NOS2: variants seen among roughly 807,000 people sequenced by gnomAD.
NOS2 encodes nitric oxide synthase, inducible.
NOS2 carries 96 observed loss-of-function variants against 136.0 expected under a neutral mutation model. The observed-to-expected ratio is 0.71, with a 90% confidence interval of 0.60 to 0.84. The LOEUF (loss-of-function observed/expected upper bound fraction) is 0.84. Ranked by LOEUF, NOS2 falls within the 40% of genes least tolerant of loss-of-function variation. The pLI is 0.00. For synonymous variants in NOS2, 539 were observed against 587.5 expected (o/e 0.92, Z 1.20); for missense variants, 1,237 against 1,496.9 (o/e 0.83, Z 2.87).
intron 11 of NOS2, among the ~76,000 whole-genome samples, chr17:27,775,174 T>C (rs551132991): frequency 6.6e-6 from 1 of 152,348 alleles, no homozygotes; most frequent in African/African-American, 2.4e-5. Context: ...TGAATTCCTA[T>C]AATGGCCAGG....
At chr17:27,767,589 G>C in intron 18 of NOS2, 116 bp downstream of exon 18, 1 of 1,239,438 alleles carries the variant, frequency 8.1e-7, no homozygotes, top group East Asian at 2.6e-5. Context: ...GCAGTGAGAG[G>C]GAGGCCCCGA....
intron 4 of NOS2, among the ~76,000 whole-genome samples, chr17:27,788,486 G>A (rs916025886): frequency 6.6e-6 from 1 of 152,198 alleles, no homozygotes; most frequent in Non-Finnish European, 1.5e-5. Flanking sequence ...ACCTCCTGAT[G>A]TAATACAGTC....
At chr17:27,795,296 C>T (rs1361635150) in intron 2 of NOS2, among the ~76,000 whole-genome samples, 1 of 152,028 alleles carries the variant, frequency 6.6e-6, no homozygotes, top group Non-Finnish European at 1.5e-5. Flanking sequence ...TTGGACTTGA[C>T]TCAAACCTTA....
At chr17:27,758,801 T>C (rs1908012654) in intron 26 of NOS2, 80 bp downstream of exon 26, 1 of 1,122,208 alleles carries the variant, frequency 8.9e-7, no homozygotes, top group Non-Finnish European at 1.2e-6. Context: ...TTCCCCTGGG[T>C]CTACCTGCCA....
At chr17:27,786,294 C>T (rs1909023303) in intron 5 of NOS2, among the ~76,000 whole-genome samples, 1 of 151,948 alleles carries the variant, frequency 6.6e-6, no homozygotes, top group Admixed American at 6.6e-5. Flanking sequence ...GGTGTAGTGG[C>T]ACACACCTAT....
At chr17:27,780,267 G>C (rs9904158) in intron 9 of NOS2, among the ~76,000 whole-genome samples, 2,058 of 152,336 alleles carry the variant, frequency 0.014, 41 homozygotes, top group African/African-American at 0.045. Flanking sequence ...CAACGGCCAG[G>C]AAGAAGAGCC....
chr17:27,757,005 A>G lies in NOS2; in HGVS notation c.*241T>C. The G allele has an allele frequency of 2.3e-6, 1 of 435,802 alleles. No homozygotes were observed. The highest frequency in any genetic ancestry group is 4.0e-6 in the Non-Finnish European group (1 of 249,358). The allele number at this position is 435,802 out of a possible 1,614,324, so 27.0% of individuals were successfully genotyped here. On this transcript the variant is annotated 3_prime_UTR_variant, in exon 27 of 27. Transcript: ENST00000313735. ...CCACTTGCCAGGCCTGGCATTTAAG[A>G]TTTTGTCTCCAAGGGACCAGGGAGG...
intron 9 of NOS2, among the ~76,000 whole-genome samples, chr17:27,780,286 T>C (rs1295422373): frequency 1.3e-5 from 2 of 152,196 alleles, no homozygotes; most frequent in African/African-American, 4.8e-5. Flanking sequence ...CCCAGCCCAA[T>C]GTCTGCTACA....
rs113873629 is a variant in NOS2, at chr17:27,782,195, C to T, written c.631-89G>A. On this transcript the variant is annotated intron_variant, in intron 6 of 26. Coordinates refer to ENST00000313735, the MANE Select transcript of NOS2 (RefSeq NM_000625.4). ...CAGAAGTCACTGGGAATCAATAGTG[C>T]AGCCGAAACACTCAACACACAAACA... 5.0e-5 allele frequency: 55 copies of T among 1,103,640 alleles called. No individual in the cohort carries two copies. The Middle Eastern group carries it at 1.2e-3, about 24-fold the overall frequency. The allele number at this position is 1,103,640 out of a possible 1,614,324, so 68.4% of individuals were successfully genotyped here. A position where few individuals can be genotyped will look rare whatever the true frequency, so the allele number is the denominator to read the frequency against.
chr17:27,769,028 C>G lies in NOS2; in HGVS notation c.1983G>C (p.Glu661Asp). ...GGAAGGCGTCCTCCTGCCCACTGAG[C>G]TCATCCCCTTCTCCCATCGGGGTGA... Reference protein sequence around the residue: ...SQLTPMGEGDELSGQEDAFRS... With the variant: ...SQLTPMGEGDDLSGQEDAFRS... Residue 661 changes from glutamate to aspartate, a missense_variant, in exon 17 of 27, where the codon GAG becomes GAC. By Grantham distance (45) the Glu-to-Asp change is conservative. Transcript: ENST00000313735. 3 of 1,612,622 alleles carry G rather than the reference C, an allele frequency of 1.9e-6. No individual in the cohort carries two copies. The highest frequency in any genetic ancestry group is 2.5e-6 in the Non-Finnish European group (3 of 1,179,612).
At chr17:27,757,426 T>G in intron 26 of NOS2, 73 bp from the exon 27 acceptor site, 2 of 1,230,538 alleles carry the variant, frequency 1.6e-6, no homozygotes, top group South Asian at 2.6e-5. Flanking sequence ...CCAGCTTCCC[T>G]ATCACATGGA....
At position 27,783,033 on chromosome 17, in the gene NOS2, G is replaced by A. The variant is rs757959650; in HGVS notation, c.541C>T (p.Leu181=). 1.9e-6 allele frequency: 3 copies of A among 1,614,242 alleles called. No individual in the cohort carries two copies. The highest frequency in any genetic ancestry group is 2.2e-5 in the South Asian group (2 of 91,078). The change falls in exon 6 of 27, where the codon CTG becomes TTG. Residue 181 remains leucine, a synonymous_variant. Transcript: ENST00000313735. ...GCGAAGATGAGCTCATCTCCCGTCA[G>A]TTGGTAGGTTCCTGTTGTTTCTATC... ...KEIETTGTYQ[L]TGDELIFATK... is the part of the protein sequence containing the mutation.
chr17:27,795,171 C>T (rs967542186), intron 2 of NOS2, among the ~76,000 whole-genome samples: 1 of 152,236 alleles, frequency 6.6e-6, no homozygotes, highest in Non-Finnish European at 1.5e-5. Context: ...GGAAGACATC[C>T]GTTTCCCCGT....
Position 27,760,153 on chromosome 17 carries a change from C to G in NOS2, c.3036G>C (p.Leu1012Phe), listed in dbSNP as rs1330858052. Residue 1012 changes from leucine (L) to phenylalanine (F), a missense_variant, in exon 25 of 27, where the codon TTG becomes TTC. Physicochemically the swap from Leu to Phe is conservative, Grantham distance 22 (BLOSUM62 0). This residue lies in a region of NOS2 where 782 missense variants were observed against 909.9 expected (regional missense o/e 0.86). Transcript: ENST00000313735. ...CATCTGGGCGGCGGCACCCAAACAC[C>G]AAGGTCATGCGGCCTCCCCGCACTC... ...HKGVRGGRMT[L>F]VFGCRRPDED... The G allele has an allele frequency of 6.3e-7, 1 of 1,593,624 alleles. No homozygotes were observed. The highest frequency in any genetic ancestry group is 1.3e-5 in the African/African-American group (1 of 74,088).
chr17:27,769,687 A>C, intron 15 of NOS2, 103 bp from the exon 16 acceptor site: 52 of 968,658 alleles, frequency 5.4e-5, no homozygotes, highest in Non-Finnish European at 7.8e-5. Flanking sequence ...GAGAAGGCTC[A>C]CAGCCCACCA....
chr17:27,798,771 G>T lies in NOS2; in HGVS notation c.39C>A (p.Phe13Leu). The T allele has an allele frequency of 1.2e-6, 2 of 1,614,020 alleles. No individual in the cohort carries two copies. The highest frequency in any genetic ancestry group is 1.7e-6 in the Non-Finnish European group (2 of 1,179,878). Residue 13 changes from phenylalanine to leucine, a missense_variant, in exon 2 of 27, where the codon TTC becomes TTA. Around this residue, in one of 3 missense-constraint regions of NOS2, gnomAD observed 440 missense variants for 545.4 expected, o/e 0.81. Transcript: ENST00000313735. ...TTTCCCCATTCATTGCATACTGGTG[G>T]AATTTGGTCTTGAACAGAAATTTCC... The part of the protein sequence containing the change: ...CPWKFLFKTK[F>L]HQYAMNGEKD...
chr17:27,797,431 G>A (rs1909386371), intron 2 of NOS2, among the ~76,000 whole-genome samples: 2 of 152,234 alleles, frequency 1.3e-5, no homozygotes, highest in African/African-American at 4.8e-5. Flanking sequence ...TCTTATAGAG[G>A]AGGAAATTGA....
intron 16 of NOS2, 31 bp downstream of exon 16, chr17:27,769,504 G>A: frequency 6.2e-7 from 1 of 1,601,340 alleles, no homozygotes; most frequent in Non-Finnish European, 8.6e-7. Context: ...ACAGGGCAGG[G>A]CTAGGAGTAG....
intron 6 of NOS2, 53 bp downstream of exon 6, chr17:27,782,891 C>T: frequency 1.3e-6 from 2 of 1,587,000 alleles, no homozygotes; most frequent in Admixed American, 3.4e-5. Context: ...AAGCCATCTG[C>T]TCAGGGCCTG....
Sources: allele counts gnomAD v4.1 joint callset (sites outside exome capture counted in the v4.1 genomes callset), GRCh38; gene constraint gnomAD v4.1.1; regional missense constraint gnomAD v4.1.1; transcripts MANE v1.5; gene names NCBI Gene and HGNC (gene_info 2026-07-23, HGNC 2026-07-21).